The following ZNF705G variants were observed in gnomAD, a reference collection of about 807,000 sequenced individuals.
ZNF705G encodes the protein putative zinc finger protein 705G.
In ZNF705G, 23 loss-of-function variants were observed where a neutral mutation model predicts 19.6. The observed-to-expected ratio is 1.17, with a 90% CI of 0.84 to 1.66. The LOEUF is 1.66. ZNF705G is among the 40% of genes most tolerant of loss of function. The probability of loss-of-function intolerance (pLI) is 0.00; values close to 1 mark genes in which losing one functional copy is unlikely to be tolerated. For missense variants in ZNF705G, 457 were observed against 354.4 expected (o/e 1.29, Z -2.32); for synonymous variants, 146 against 117.7 (o/e 1.24, Z -1.56).
Position 7,367,654 on chromosome 8 carries a change from T to C in ZNF705G, c.-71-4637A>G, listed in dbSNP as rs9720262. 6.0e-5 allele frequency among the ~76,000 whole-genome samples: 9 copies of C among 149,416 alleles called. 2 individuals are homozygous for C. The highest frequency in any genetic ancestry group is 2.3e-4 in the African/African-American group (9 of 38,816). ...CAAGGTTAAAGGCTCTTCTCTTTTC[T>C]TTCTTGGACCTTCAGGCATCTGCTC... On this transcript the variant is annotated intron_variant, in intron 2 of 6. Coordinates refer to ENST00000400156, the MANE Select transcript of ZNF705G (RefSeq NM_001164457.3).
chr8:7,356,944 G>T lies in ZNF705G; in HGVS notation c.*1032C>A, dbSNP rs1308704366. ...TTTACATGCCACATTTTTATGAATA[G>T]ATATTTTCTCAAATTTCTGAATTAT... On this transcript the variant is annotated 3_prime_UTR_variant, in exon 7 of 7. Transcript: ENST00000400156. 6.7e-6 allele frequency: 1 copy of T among 149,798 alleles called. No individual in the cohort carries two copies. The highest frequency in any genetic ancestry group is 6.6e-5 in the Admixed American group (1 of 15,236). The allele number at this position is 149,798 out of a possible 1,614,324, so 9.3% of individuals were successfully genotyped here. A position where few individuals can be genotyped will look rare whatever the true frequency, so the allele number is the denominator to read the frequency against.
At position 7,359,646 on chromosome 8, in the gene ZNF705G, T is replaced by A; in HGVS notation, c.291A>T (p.Arg97Ser). The A allele has an allele frequency of 6.2e-6, 10 of 1,606,888 alleles. No individual in the cohort carries two copies. Among genetic ancestry groups the A allele is most frequent in the South Asian group, 1.1e-5 (1 of 90,664 alleles). The change falls in exon 6 of 7, where the codon AGA (arginine) becomes AGT (serine). Residue 97 changes from arginine (R) to serine (S), a missense_variant. Physicochemically the swap from Arg to Ser is moderately radical, Grantham distance 110 (BLOSUM62 -1). Transcript: ENST00000400156. ...TTGTCATACTGGTGGATGCGTCTTT[T>A]CTGGTGATAGGATGCATGGATATCA... ...THMISMHPIT[R>S]KDASTSMTME...
At chr8:7,365,275 G>A (rs191636720) in intron 2 of ZNF705G, among the ~76,000 whole-genome samples, 3 of 149,052 alleles carry the variant, frequency 2.0e-5, no homozygotes, top group Non-Finnish European at 4.4e-5. Flanking sequence ...AAAATGTATT[G>A]ACAAACTTTT....
At chr8:7,366,177 G>A (rs1348970085) in intron 2 of ZNF705G, among the ~76,000 whole-genome samples, 5 of 96,046 alleles carry the variant, frequency 5.2e-5, no homozygotes, top group Admixed American at 1.1e-4. Flanking sequence ...ATCTTGACGG[G>A]ATTGCAAGTC....
rs1375102745 is a variant in ZNF705G at position 7,366,429 on chromosome 8, TA to T, written c.-71-3413del. Among the ~76,000 whole-genome samples, 10 of 149,450 alleles carry T rather than the reference TA, an allele frequency of 6.7e-5. 1 individual carries two copies. Among genetic ancestry groups the T allele is most frequent in the East Asian group, 1.9e-4 (1 of 5,188 alleles). On this transcript the variant is annotated intron_variant, in intron 2 of 6. Coordinates refer to ENST00000400156, the MANE Select transcript of ZNF705G (RefSeq NM_001164457.3). ...AGGAGAGAGGAAAAATCTCACATTT[TA>T]AAAAAAGGAATATGCAACATATTTA...
chr8:7,363,500 C>G (rs1357898420), intron 2 of ZNF705G, among the ~76,000 whole-genome samples: 3 of 149,296 alleles, frequency 2.0e-5, no homozygotes, highest in Non-Finnish European at 4.4e-5. Flanking sequence ...TGTATTTCCC[C>G]TTGGAACTTG....
At chr8:7,374,212 C>G (rs1460172688) in intron 2 of ZNF705G, among the ~76,000 whole-genome samples, 1 of 98,286 alleles carries the variant, frequency 1.0e-5, no homozygotes, top group Non-Finnish European at 2.0e-5. Context: ...CACACAACAT[C>G]GGGGACTGAC....
chr8:7,385,425 A>G (rs1807681422), intron 1 of ZNF705G, 73 bp downstream of exon 1: 1 of 149,090 alleles, frequency 6.7e-6, no homozygotes, highest in African/African-American at 2.6e-5. Context: ...TCCTACACTT[A>G]CACCCTGAAA....
intron 1 of ZNF705G, among the ~76,000 whole-genome samples, chr8:7,385,001 C>A (rs1250397827): frequency 6.8e-6 from 1 of 146,426 alleles, no homozygotes; most frequent in East Asian, 1.9e-4. Flanking sequence ...ATTTTACAGT[C>A]TTTCTTGCTA....
intron 2 of ZNF705G, among the ~76,000 whole-genome samples, chr8:7,369,901 G>T (rs906987598): frequency 6.7e-6 from 1 of 149,158 alleles, no homozygotes. Flanking sequence ...GGAAGGGAAG[G>T]TGGGGACAAA....
In ZNF705G at chr8:7,357,689, G is replaced by A. The variant is rs1342907849; in HGVS notation, c.*287C>T. ...TATGAATTTATTGATGTGGACTGAA[G>A]AATAAAGGTAACTGAAGTATCTTCC... On this transcript the variant is annotated 3_prime_UTR_variant, in exon 7 of 7. Coordinates refer to ENST00000400156, the MANE Select transcript of ZNF705G (RefSeq NM_001164457.3). 1.4e-5 allele frequency: 8 copies of A among 554,936 alleles called. No individual in the cohort carries two copies. The highest frequency in any genetic ancestry group is 1.1e-4 in the South Asian group (5 of 44,092). 34.4% of individuals were successfully genotyped at this position (554,936 alleles called of 1,614,324 possible).
At chr8:7,367,961 G>A (rs1366566784) in intron 2 of ZNF705G, among the ~76,000 whole-genome samples, 1 of 149,702 alleles carries the variant, frequency 6.7e-6, no homozygotes, top group South Asian at 2.1e-4. Context: ...AAAAGTTGGA[G>A]GATGCAGTGA....
At chr8:7,360,777 G>A (rs1274320503) in intron 4 of ZNF705G, among the ~76,000 whole-genome samples, 2 of 149,432 alleles carry the variant, frequency 1.3e-5, no homozygotes, top group African/African-American at 2.6e-5. Context: ...ATAGACTAAA[G>A]CAGAAGAGTT....
chr8:7,358,052 A>C lies in ZNF705G; in HGVS notation c.827T>G (p.Ile276Arg). 1 of 1,608,552 alleles carries C rather than the reference A, an allele frequency of 6.2e-7. No individual in the cohort carries two copies. The highest frequency in any genetic ancestry group is 8.5e-7 in the Non-Finnish European group (1 of 1,179,796). ...SQSSGFRGNK[I>R]IHTGEKPHAC... ...ATGTGGTTTCTCTCCAGTGTGAATTATTTTGTTTCCTCTAAAGCCAGAGCT... is the reference window on the plus strand; with the variant it reads ...ATGTGGTTTCTCTCCAGTGTGAATTCTTTTGTTTCCTCTAAAGCCAGAGCT... Residue 276 changes from isoleucine (I) to arginine (R), a missense_variant, in exon 7 of 7, where the codon ATA becomes AGA. Ile to Arg is a moderately conservative substitution (Grantham distance 97, BLOSUM62 -3). Transcript: ENST00000400156.
intron 1 of ZNF705G, among the ~76,000 whole-genome samples, chr8:7,382,216 A>G (rs374187345): frequency 2.0e-5 from 3 of 150,350 alleles, no homozygotes; most frequent in African/African-American, 5.0e-5. Context: ...ACAACAATTC[A>G]TCTAGAGAGA....
chr8:7,358,132 A>C lies in ZNF705G; in HGVS notation c.747T>G (p.Thr249=). 5 of 1,607,578 alleles carry C rather than the reference A, an allele frequency of 3.1e-6. No individual in the cohort carries two copies. In the African/African-American group the frequency reaches 4.2e-5, roughly 14 times the overall value. ...ATTCATAACACTTTTTTCCAAGGTG[A>C]GTTCTCTCATGTCTTTGAAGGTTAA... ...QSFNLQRHER[T]HLGKKCYECD... The change falls in exon 7 of 7, where the codon ACT becomes ACG. Residue 249 remains threonine, a synonymous_variant. Coordinates refer to ENST00000400156, the MANE Select transcript of ZNF705G (RefSeq NM_001164457.3).
At position 7,371,073 on chromosome 8, in the gene ZNF705G, G is replaced by A. The variant is rs1807079933; in HGVS notation, c.-71-8056C>T. Among the ~76,000 whole-genome samples the A allele has an allele frequency of 2.1e-5, 3 of 140,926 alleles. No individual in the cohort carries two copies. The Admixed American group carries it at 2.1e-4, about 10-fold the overall frequency. 92.5% of individuals were successfully genotyped at this position (140,926 alleles called of 152,430 possible). A position where few individuals can be genotyped will look rare whatever the true frequency, so the allele number is the denominator to read the frequency against. On this transcript the variant is annotated intron_variant, in intron 2 of 6. Transcript: ENST00000400156. The stretch of plus-strand genomic sequence containing the variant: ...CACTGGGGCCTGTTGGGAGGCAGGT[G>A]GAGGGAGAGTATCAGGATAAATGGC...
In ZNF705G at chr8:7,357,543, G is replaced by C. The variant is rs569859035; in HGVS notation, c.*433C>G. 4.4e-5 allele frequency: 10 copies of C among 228,496 alleles called. No individual in the cohort carries two copies. The South Asian group carries it at 9.2e-4, about 21-fold the overall frequency. The allele number at this position is 228,496 out of a possible 1,614,324, so 14.2% of individuals were successfully genotyped here. A position where few individuals can be genotyped will look rare whatever the true frequency, so the allele number is the denominator to read the frequency against. On this transcript the variant is annotated 3_prime_UTR_variant, in exon 7 of 7. Coordinates refer to ENST00000400156, the MANE Select transcript of ZNF705G (RefSeq NM_001164457.3). ...TACCTGAAAGTCCCACATGTTTTAA[G>C]TTATAGCTGTTGCTGAAGACTTTTA... is the stretch of plus-strand genomic sequence containing the variant.
At chr8:7,367,355 G>C (rs1486515860) in intron 2 of ZNF705G, among the ~76,000 whole-genome samples, 1 of 149,248 alleles carries the variant, frequency 6.7e-6, no homozygotes, top group South Asian at 2.1e-4. Flanking sequence ...TTTCCTGATG[G>C]TCTACACCTG....
Sources: gnomAD v4.1 joint callset for allele counts (sites outside exome capture counted in the v4.1 genomes callset) on GRCh38, gnomAD v4.1.1 for gene constraint, MANE v1.5 for transcripts, NCBI Gene and HGNC (gene_info 2026-07-23, HGNC 2026-07-21) for gene names.